The following NXN variants were observed in gnomAD, a reference collection of about 807,000 sequenced individuals.
NXN encodes the protein nucleoredoxin 1.
In NXN, 16 loss-of-function variants were observed where a neutral mutation model predicts 48.6. The observed-to-expected ratio is 0.33, with a 90% CI of 0.22 to 0.50. NXN has a LOEUF of 0.50. NXN is among the 20% of genes least tolerant of loss of function. The pLI, the probability that NXN is intolerant of heterozygous loss-of-function variation, is 0.98. For missense variants in NXN, 492 were observed against 605.5 expected (o/e 0.81, Z 1.97); for synonymous variants, 281 against 269.6 (o/e 1.04, Z -0.41).
At chr17:810,233 GGCGTGC>G (rs1567810832) in intron 5 of NXN, among the ~76,000 whole-genome samples, 6 of 133,052 alleles carry the variant, frequency 4.5e-5, no homozygotes, top group East Asian at 2.3e-4. Flanking sequence ...CCGTGTGAGT[GGCGTGC>G]ACGTTACGAG....
intron 2 of NXN, among the ~76,000 whole-genome samples, chr17:824,457 C>G (rs540800308): frequency 6.6e-6 from 1 of 152,150 alleles, no homozygotes; most frequent in South Asian, 2.1e-4. Flanking sequence ...CCAGAACTGA[C>G]GAGGGACTCG....
intron 1 of NXN, among the ~76,000 whole-genome samples, chr17:931,255 C>A (rs2068850256): frequency 1.3e-5 from 2 of 150,358 alleles, no homozygotes; most frequent in South Asian, 4.3e-4. Flanking sequence ...CCACTGCACT[C>A]CAGCCTGGGC....
At chr17:810,112 C>A (rs1220061145) in intron 5 of NXN, among the ~76,000 whole-genome samples, 17 of 106,508 alleles carry the variant, frequency 1.6e-4, no homozygotes, top group Admixed American at 4.4e-4. Context: ...GTGCACGTTA[C>A]GAGTCCGTGT....
chr17:859,297 C>G (rs1048223576), intron 1 of NXN, among the ~76,000 whole-genome samples: 2 of 152,138 alleles, frequency 1.3e-5, no homozygotes, highest in Non-Finnish European at 2.9e-5. Flanking sequence ...AATAAAGAGT[C>G]GCTCTCTAAA....
chr17:860,554 C>T (rs1366294893), intron 1 of NXN, among the ~76,000 whole-genome samples: 2 of 56,524 alleles, frequency 3.5e-5, no homozygotes, highest in African/African-American at 7.4e-5. Context: ...CCACCGCGCC[C>T]GGCTAATTTT....
intron 1 of NXN, among the ~76,000 whole-genome samples, chr17:943,252 A>G (rs982686543): frequency 5.3e-5 from 8 of 152,158 alleles, no homozygotes; most frequent in African/African-American, 1.9e-4. Flanking sequence ...CTTGTCCTGC[A>G]TGAAGTTACC....
chr17:948,776 G>T (rs569402625), intron 1 of NXN, among the ~76,000 whole-genome samples: 1 of 151,250 alleles, frequency 6.6e-6, no homozygotes, highest in Non-Finnish European at 1.5e-5. Flanking sequence ...TCCACATCCC[G>T]GGACACGAGG....
chr17:879,795 G>A (rs1384683943), intron 1 of NXN: 1 of 152,190 alleles, frequency 6.6e-6, no homozygotes, highest in Non-Finnish European at 1.5e-5. Flanking sequence ...CCGGCAGGGG[G>A]CGGCAACAGA....
chr17:809,367 G>A (rs1208417769), intron 5 of NXN, among the ~76,000 whole-genome samples: 1 of 152,234 alleles, frequency 6.6e-6, no homozygotes, highest in Non-Finnish European at 1.5e-5. Flanking sequence ...CTCCAAGGAG[G>A]AGCCTAGTTG....
rs377449136 is a variant in NXN, at chr17:919,178, C to T, written c.360+60141G>A. 2.0e-5 allele frequency among the ~76,000 whole-genome samples: 3 copies of T among 152,028 alleles called. No individual in the cohort carries two copies. Among genetic ancestry groups the T allele is most frequent in the African/African-American group, 4.8e-5 (2 of 41,372 alleles). On this transcript the variant is annotated intron_variant, in intron 1 of 7. Transcript: ENST00000336868. This position sits in a 1 kb window ranked among gnomAD's most constrained non-coding sequence, Gnocchi z 5.1. ...AGGAGATCGAGACCATCCTGGCTAA[C>T]ATGGTGAAAGCCCGTCTCTACTACA...
intron 1 of NXN, among the ~76,000 whole-genome samples, chr17:936,965 G>A (rs1409006238): frequency 6.6e-6 from 1 of 151,986 alleles, no homozygotes; most frequent in African/African-American, 2.4e-5. Flanking sequence ...CACTTTGGGA[G>A]GCTGAGGTGG....
intron 1 of NXN, among the ~76,000 whole-genome samples, chr17:933,689 A>G (rs2068877220): frequency 6.6e-6 from 1 of 152,088 alleles, no homozygotes; most frequent in African/African-American, 2.4e-5. Flanking sequence ...AAACAATGCA[A>G]TAAGAACACA....
Position 835,665 on chromosome 17 carries a change from G to A in NXN, c.361-9587C>T, listed in dbSNP as rs868610923. ...ACCGGGAAACGGTAAAAATGCCAAC[G>A]AGAAAGTCCAGCAAATCTGAAACAC... On this transcript the variant is annotated intron_variant, in intron 1 of 7. Transcript: ENST00000336868. 6.0e-5 allele frequency among the ~76,000 whole-genome samples: 9 copies of A among 150,932 alleles called. No homozygotes were observed. The Middle Eastern group carries it at 0.01, about 171-fold the overall frequency.
intron 1 of NXN, among the ~76,000 whole-genome samples, chr17:948,538 G>A (rs370030004): frequency 2.6e-5 from 4 of 152,118 alleles, no homozygotes; most frequent in East Asian, 1.9e-4. Flanking sequence ...TACAGGGCCC[G>A]GCCCTGCGCT....
At chr17:873,732 C>A (rs754961225) in intron 1 of NXN, among the ~76,000 whole-genome samples, 1 of 151,914 alleles carries the variant, frequency 6.6e-6, no homozygotes, top group Non-Finnish European at 1.5e-5. Flanking sequence ...CCTTCTCAGA[C>A]CTATGAAAAA....
At chr17:930,047 A>G (rs2068838409) in intron 1 of NXN, 1 of 152,068 alleles carries the variant, frequency 6.6e-6, no homozygotes, top group Admixed American at 6.6e-5. Flanking sequence ...AGAAAGTTCC[A>G]GAATGACAGC....
At chr17:899,623 C>T (rs1285539621) in intron 1 of NXN, among the ~76,000 whole-genome samples, 3 of 152,146 alleles carry the variant, frequency 2.0e-5, no homozygotes, top group African/African-American at 4.8e-5. Flanking sequence ...CCACGGATTC[C>T]GCACTTTCCT....
chr17:817,828 C>T (rs1213942758), intron 5 of NXN, among the ~76,000 whole-genome samples: 1 of 152,112 alleles, frequency 6.6e-6, no homozygotes, highest in African/African-American at 2.4e-5. Flanking sequence ...GCATCTGCCA[C>T]TAATGATACA....
chr17:873,737 GA>G lies in NXN; in HGVS notation c.361-47660del, dbSNP rs533264440. Among the ~76,000 whole-genome samples the G allele has an allele frequency of 1.6e-3, 249 of 152,066 alleles. 1 individual carries two copies. The highest frequency in any genetic ancestry group is 3.1e-3 in the Admixed American group (48 of 15,270). ...TAGGAAACGGCCTTCTCAGACCTATGAAAAAAATATATCCTCCTACAGTTTA... is the reference window on the plus strand; with the variant it reads ...TAGGAAACGGCCTTCTCAGACCTATGAAAAAATATATCCTCCTACAGTTTA... On this transcript the variant is annotated intron_variant, in intron 1 of 7. Coordinates refer to ENST00000336868, the MANE Select transcript of NXN (RefSeq NM_022463.5).
Sources: gnomAD v4.1 joint callset for allele counts (sites outside exome capture counted in the v4.1 genomes callset) on GRCh38, gnomAD v4.1.1 for gene constraint, Gnocchi (gnomAD v3.1) non-coding constraint, MANE v1.5 for transcripts, NCBI Gene and HGNC (gene_info 2026-07-23, HGNC 2026-07-21) for gene names.